CEP85L: variants seen among roughly 807,000 people sequenced by gnomAD.
CEP85L encodes centrosomal protein of 85 kDa-like.
Under a neutral mutation model 100.3 loss-of-function variants are expected in CEP85L, and 60 were observed. The ratio of observed to expected loss-of-function variants is 0.60; its 90% CI spans 0.49 to 0.74. The LOEUF is 0.74. Ranked by LOEUF, CEP85L falls within the 30% of genes least tolerant of loss-of-function variation. The pLI, the probability that CEP85L is intolerant of heterozygous loss-of-function variation, is 0.00. For synonymous variants in CEP85L, 319 were observed against 322.7 expected (o/e 0.99, Z 0.12); for missense variants, 973 against 936.2 (o/e 1.04, Z -0.51).
At chr6:118,575,013 G>A (rs1459667730) in intron 2 of CEP85L, among the ~76,000 whole-genome samples, 3 of 152,140 alleles carry the variant, frequency 2.0e-5, no homozygotes, top group African/African-American at 4.8e-5. Flanking sequence ...GGGAAAAGGT[G>A]CAAGAAATCT....
At chr6:118,487,827 C>G (rs551816945) in intron 6 of CEP85L, among the ~76,000 whole-genome samples, 3 of 152,288 alleles carry the variant, frequency 2.0e-5, no homozygotes, top group African/African-American at 7.2e-5. Flanking sequence ...CAGCTCAGCA[C>G]TCCAGCAATG....
intron 6 of CEP85L, among the ~76,000 whole-genome samples, chr6:118,486,611 A>C (rs1182135503): frequency 6.6e-6 from 1 of 152,086 alleles, no homozygotes; most frequent in East Asian, 1.9e-4. Context: ...TGCTCTTCCT[A>C]ATCTATGCAC....
chr6:118,581,052 T>C (rs1780547653), intron 2 of CEP85L, among the ~76,000 whole-genome samples: 1 of 152,216 alleles, frequency 6.6e-6, no homozygotes, highest in South Asian at 2.1e-4. Context: ...GAGGCACTTT[T>C]TTTAATGCTA....
In CEP85L at chr6:118,483,865, GCAAA is replaced by G. The variant is rs1773976528; in HGVS notation, c.1438-11_1438-8del. Reference sequence around the variant, plus strand: ...ATCGATCTCTAGTTTTAAGCTAAAAGCAAACAATTATGAACCTTCAGTAGTTTTC... The same window carrying G: ...ATCGATCTCTAGTTTTAAGCTAAAAGCAATTATGAACCTTCAGTAGTTTTC... On this transcript the variant is annotated splice_region_variant and splice_polypyrimidine_tract_variant and intron_variant, in intron 6 of 12. Coordinates refer to ENST00000368491, the MANE Select transcript of CEP85L (RefSeq NM_001042475.3). The G allele has an allele frequency of 6.2e-7, 1 of 1,610,324 alleles. No individual in the cohort carries two copies. Among genetic ancestry groups the G allele is most frequent in the Non-Finnish European group, 8.5e-7 (1 of 1,178,698 alleles).
At chr6:118,531,532 A>G (rs1777292484) in intron 3 of CEP85L, among the ~76,000 whole-genome samples, 1 of 152,206 alleles carries the variant, frequency 6.6e-6, no homozygotes, top group Admixed American at 6.5e-5. Context: ...TAAACAAAAG[A>G]GCTTCTGCAC....
At chr6:118,668,365 G>A (rs1431883549) in intron 1 of CEP85L, among the ~76,000 whole-genome samples, 1 of 152,190 alleles carries the variant, frequency 6.6e-6, no homozygotes, top group Non-Finnish European at 1.5e-5. Flanking sequence ...CCTGAATAAG[G>A]TGGGTTGCAC....
At chr6:118,694,146 T>C (rs946362719) in intron 1 of CEP85L, among the ~76,000 whole-genome samples, 1 of 152,230 alleles carries the variant, frequency 6.6e-6, no homozygotes, top group Non-Finnish European at 1.5e-5. Flanking sequence ...CCTAATACGA[T>C]GCAGATATAT....
intron 1 of CEP85L, among the ~76,000 whole-genome samples, chr6:118,647,780 T>A (rs975754971): frequency 6.6e-6 from 1 of 152,354 alleles, no homozygotes; most frequent in Middle Eastern, 3.4e-3. Context: ...ACGGGAAATA[T>A]GTCTATCCTT....
chr6:118,561,294 G>A (rs1208001190), intron 3 of CEP85L, among the ~76,000 whole-genome samples: 1 of 152,044 alleles, frequency 6.6e-6, no homozygotes, highest in African/African-American at 2.4e-5. Context: ...AAAACAAGTG[G>A]AAAATTTGAA....
In CEP85L at chr6:118,595,145, A is replaced by C. The variant is rs200862185; in HGVS notation, c.233-28829T>G. On this transcript the variant is annotated intron_variant, in intron 2 of 12. Coordinates refer to ENST00000368491, the MANE Select transcript of CEP85L (RefSeq NM_001042475.3). ...TGCATACTTCAAAAACAACTTCCTC[A>C]AACTAATATCTGTGGCAACAGTAGC... 6.6e-5 allele frequency among the ~76,000 whole-genome samples: 10 copies of C among 152,316 alleles called. No homozygotes were observed. In the East Asian group the frequency reaches 1.9e-3, roughly 29 times the overall value.
chr6:118,644,736 T>C (rs1316918562), intron 1 of CEP85L, among the ~76,000 whole-genome samples: 1 of 152,196 alleles, frequency 6.6e-6, no homozygotes, highest in Non-Finnish European at 1.5e-5. Flanking sequence ...AGATTTCTCA[T>C]GTATATACCA....
chr6:118,469,965 A>G (rs549137846), intron 11 of CEP85L, among the ~76,000 whole-genome samples: 23 of 152,280 alleles, frequency 1.5e-4, no homozygotes, highest in Non-Finnish European at 2.4e-4. Flanking sequence ...AGTAACTTTG[A>G]ACCTCACTCT....
At position 118,565,760 on chromosome 6, in the gene CEP85L, C is replaced by T; in HGVS notation, c.789G>A (p.Lys263=). Residue 263 remains lysine, a synonymous_variant, in exon 3 of 13, where the codon AAG becomes AAA. Transcript: ENST00000368491. Reference sequence around the variant, plus strand: ...AAGCCTCTGAGCTTGTCATAATGGGCTTGCTTTCAGGTAAGGCACTATATG... The same window carrying T: ...AAGCCTCTGAGCTTGTCATAATGGGTTTGCTTTCAGGTAAGGCACTATATG... ...DMTYSALPES[K]PIMTSSEAFE... is the part of the protein sequence containing the mutation. The T allele has an allele frequency of 1.2e-6, 2 of 1,614,154 alleles. No homozygotes were observed. Among genetic ancestry groups the T allele is most frequent in the Non-Finnish European group, 1.7e-6 (2 of 1,180,016 alleles).
rs188747795 is a variant in CEP85L at position 118,551,738 on chromosome 6, C to T, written c.1020+13791G>A. Among the ~76,000 whole-genome samples, 6 of 152,018 alleles carry T rather than the reference C, an allele frequency of 3.9e-5. No homozygotes were observed. The East Asian group carries it at 9.7e-4, about 24-fold the overall frequency. Reference sequence around the variant, plus strand: ...ATGCATATACAATTATTTTCATAACCAGACAGAAGCAGCTTGAAGATTCTT... The same window carrying T: ...ATGCATATACAATTATTTTCATAACTAGACAGAAGCAGCTTGAAGATTCTT... On this transcript the variant is annotated intron_variant, in intron 3 of 12. Coordinates refer to ENST00000368491, the MANE Select transcript of CEP85L (RefSeq NM_001042475.3).
chr6:118,559,309 T>C (rs532539997), intron 3 of CEP85L: 57 of 523,222 alleles, frequency 1.1e-4, no homozygotes, highest in Middle Eastern at 4.8e-4. Context: ...TCAAAATAAG[T>C]GTATAAAATG....
chr6:118,465,326 C>T lies in CEP85L; in HGVS notation c.*79G>A. The T allele has an allele frequency of 7.2e-7, 1 of 1,390,698 alleles. No homozygotes were observed. Among genetic ancestry groups the T allele is most frequent in the Non-Finnish European group, 9.7e-7 (1 of 1,027,600 alleles). 86.1% of individuals were successfully genotyped at this position (1,390,698 alleles called of 1,614,324 possible). A position where few individuals can be genotyped will look rare whatever the true frequency, so the allele number is the denominator to read the frequency against. Reference sequence around the variant, plus strand: ...AAATCCCTAAGTGCAAGTCATGTCACTTGCAACCTTCCATTATGGCTCCAT... The same window carrying T: ...AAATCCCTAAGTGCAAGTCATGTCATTTGCAACCTTCCATTATGGCTCCAT... On this transcript the variant is annotated 3_prime_UTR_variant, in exon 13 of 13. Coordinates refer to ENST00000368491, the MANE Select transcript of CEP85L (RefSeq NM_001042475.3).
chr6:118,652,376 A>G (rs1337698496), upstream of CEP85L: 1 of 1,065,290 alleles, frequency 9.4e-7, no homozygotes, highest in Non-Finnish European at 1.1e-6. Context: ...GCGAAAAGGG[A>G]CAGCATCGTT....
At chr6:118,600,372 A>AGTGTGT (rs1562298193) in intron 2 of CEP85L, among the ~76,000 whole-genome samples, 2 of 62,770 alleles carry the variant, frequency 3.2e-5, no homozygotes, top group African/African-American at 7.2e-5. Context: ...TGTGTGTGTA[A>AGTGTGT]CGCCATGGAG....
intron 3 of CEP85L, among the ~76,000 whole-genome samples, chr6:118,543,539 T>C (rs1162213514): frequency 6.6e-6 from 1 of 152,204 alleles, no homozygotes; most frequent in Non-Finnish European, 1.5e-5. Context: ...TTATCTGACT[T>C]TTCTGAATTA....
Sources: allele counts gnomAD v4.1 joint callset (sites outside exome capture counted in the v4.1 genomes callset), GRCh38; gene constraint gnomAD v4.1.1; transcripts MANE v1.5; gene names NCBI Gene and HGNC (gene_info 2026-07-23, HGNC 2026-07-21).